Variants in LINGO1 observed in about 807,000 individuals in gnomAD.
The protein encoded by LINGO1 is leucine rich repeat and Ig domain containing 1.
A neutral mutation model predicts 37.3 loss-of-function variants in LINGO1; 11 were observed. That is an observed-to-expected ratio of 0.29 (90% CI 0.19 to 0.49). LINGO1 has a LOEUF of 0.49. Ranked by LOEUF, LINGO1 falls within the 20% of genes least tolerant of loss-of-function variation. The probability of loss-of-function intolerance (pLI) is 0.99; values close to 1 mark genes in which losing one functional copy is unlikely to be tolerated. For synonymous variants in LINGO1, 387 were observed against 403.0 expected (o/e 0.96, Z 0.48); for missense variants, 585 against 878.2 (o/e 0.67, Z 4.22).
chr15:77,695,244 T>C (rs1203690071), intron 1 of LINGO1, among the ~76,000 whole-genome samples: 1 of 151,824 alleles, frequency 6.6e-6, no homozygotes, highest in Non-Finnish European at 1.5e-5. Flanking sequence ...CTCGTGGAAG[T>C]GCCAGGCAGT....
At chr15:77,744,563 G>A (rs946498017) in intron 1 of LINGO1, among the ~76,000 whole-genome samples, 1 of 152,146 alleles carries the variant, frequency 6.6e-6, no homozygotes, top group Non-Finnish European at 1.5e-5. Flanking sequence ...AATAACAAAA[G>A]CCGCTAACTT....
At chr15:77,811,555 T>A (rs555566805) in intron 1 of LINGO1, among the ~76,000 whole-genome samples, 4 of 140,490 alleles carry the variant, frequency 2.8e-5, no homozygotes, top group Admixed American at 2.8e-4. Context: ...TGCGGCTTGC[T>A]GGGCAGGGGT....
upstream of LINGO1, among the ~76,000 whole-genome samples, chr15:77,787,567 T>TG (rs1030293976): frequency 3.6e-5 from 2 of 55,186 alleles, no homozygotes; most frequent in East Asian, 4.7e-4. Context: ...TTCAGGGCTG[T>TG]GGGGGGTGGG....
chr15:77,739,363 G>A (rs2076237508), intron 1 of LINGO1, among the ~76,000 whole-genome samples: 1 of 152,116 alleles, frequency 6.6e-6, no homozygotes, highest in Non-Finnish European at 1.5e-5. Flanking sequence ...CCCTCTTGCT[G>A]TTTGGAGCTT....
intron 1 of LINGO1, chr15:77,735,154 T>C (rs1344764039): frequency 6.6e-6 from 1 of 152,370 alleles, no homozygotes; most frequent in Non-Finnish European, 1.5e-5. Flanking sequence ...CAGCCTGGGC[T>C]TCCCTGTGTA....
chr15:77,627,609 G>C (rs556272437), intron 1 of LINGO1, among the ~76,000 whole-genome samples: 1 of 152,326 alleles, frequency 6.6e-6, no homozygotes, highest in East Asian at 1.9e-4. Context: ...CTTCATGCCA[G>C]GTGCACAGGG....
At chr15:77,616,439 C>T (rs2073723983) in intron 1 of LINGO1, among the ~76,000 whole-genome samples, 1 of 152,210 alleles carries the variant, frequency 6.6e-6, no homozygotes. Context: ...CCCACTCGCT[C>T]AGCCCTGAGC....
chr15:77,796,768 G>A (rs893662807), intron 1 of LINGO1, among the ~76,000 whole-genome samples: 9 of 151,694 alleles, frequency 5.9e-5, no homozygotes, highest in African/African-American at 2.2e-4. Context: ...CTGGAGGGCA[G>A]TGGTGCCATC....
intron 2 of LINGO1, among the ~76,000 whole-genome samples, chr15:77,686,106 G>T (rs2075506110): frequency 6.6e-6 from 1 of 152,138 alleles, no homozygotes; most frequent in South Asian, 2.1e-4. Context: ...CCGGAATGGG[G>T]AGGGGAAGGT....
intron 2 of LINGO1, among the ~76,000 whole-genome samples, chr15:77,730,157 G>T (rs2076141138): frequency 6.6e-6 from 1 of 151,936 alleles, no homozygotes; most frequent in Non-Finnish European, 1.5e-5. Context: ...TAGGAGGAAG[G>T]CTCTGCTTTC....
At chr15:77,678,478 A>G (rs1013557299) in intron 2 of LINGO1, among the ~76,000 whole-genome samples, 12 of 152,204 alleles carry the variant, frequency 7.9e-5, no homozygotes, top group Middle Eastern at 3.2e-3. Flanking sequence ...TGCACTTCAC[A>G]TTTATTAATA....
At chr15:77,726,672 G>A (rs1003518373) in intron 2 of LINGO1, among the ~76,000 whole-genome samples, 2 of 152,224 alleles carry the variant, frequency 1.3e-5, no homozygotes, top group Non-Finnish European at 1.5e-5. Context: ...GAAGCTTCAT[G>A]ACATTGGATT....
intron 1 of LINGO1, among the ~76,000 whole-genome samples, chr15:77,806,028 T>C (rs1473566395): frequency 6.6e-6 from 1 of 152,070 alleles, no homozygotes; most frequent in Non-Finnish European, 1.5e-5. Context: ...AGCTCGAGGT[T>C]CCCTCCACCT....
chr15:77,800,350 A>G (rs1476968327), intron 1 of LINGO1, among the ~76,000 whole-genome samples: 1 of 152,232 alleles, frequency 6.6e-6, no homozygotes, highest in Non-Finnish European at 1.5e-5. Context: ...ATGGGAAAAC[A>G]GCAGAGACAG....
intron 1 of LINGO1, among the ~76,000 whole-genome samples, chr15:77,617,042 G>T (rs990773150): frequency 2.6e-5 from 4 of 152,176 alleles, no homozygotes; most frequent in Admixed American, 2.6e-4. Flanking sequence ...CCCTGGAGGA[G>T]TGTGCCCCAA....
chr15:77,647,104 T>TG (rs2074650526), intron 3 of LINGO1, among the ~76,000 whole-genome samples: 6 of 103,444 alleles, frequency 5.8e-5, no homozygotes, highest in Admixed American at 3.3e-4. Flanking sequence ...GAGTGTGGGG[T>TG]GGGGGGCTTG....
chr15:77,674,254 C>T (rs1474147429), intron 3 of LINGO1, among the ~76,000 whole-genome samples: 1 of 152,224 alleles, frequency 6.6e-6, no homozygotes, highest in Non-Finnish European at 1.5e-5. Flanking sequence ...AATCCATCCA[C>T]TTCTGCCCAC....
rs924158010 is a variant in LINGO1 at position 77,719,699 on chromosome 15, C to G, written c.-195+15293G>C. 2.7e-5 allele frequency among the ~76,000 whole-genome samples: 4 copies of G among 150,012 alleles called. 1 individual carries two copies. Among genetic ancestry groups the G allele is most frequent in the Non-Finnish European group, 5.9e-5 (4 of 67,446 alleles). ...TAGAACACATACACACACACATGCT[C>G]TCATACATATGTGTACTCACATTCA... On this transcript the variant is annotated intron_variant, in intron 2 of 3. Coordinates refer to the LINGO1 transcript ENST00000561686.
intron 2 of LINGO1, among the ~76,000 whole-genome samples, chr15:77,704,644 G>T (rs115588700): frequency 6.6e-6 from 1 of 151,534 alleles, no homozygotes; most frequent in Admixed American, 6.6e-5. Flanking sequence ...GCCACACACT[G>T]GGCCCTGACC....
Sources: gnomAD v4.1 joint callset for allele counts (sites outside exome capture counted in the v4.1 genomes callset) on GRCh38, gnomAD v4.1.1 for gene constraint, MANE v1.5 for transcripts, NCBI Gene and HGNC (gene_info 2026-07-23, HGNC 2026-07-21) for gene names.